Variants in SFXN1 observed in about 807,000 individuals in gnomAD.
SFXN1 encodes the protein sideroflexin 1, also known as sideroflexin-1.
Under a neutral mutation model 39.5 loss-of-function variants are expected in SFXN1, and 32 were observed. That is an observed-to-expected ratio of 0.81 (90% CI 0.61 to 1.09). The LOEUF (loss-of-function observed/expected upper bound fraction) is 1.09, where lower values mean the gene tolerates loss of function less well. SFXN1 is among the 50% of genes least tolerant of loss of function. The pLI, the probability that SFXN1 is intolerant of heterozygous loss-of-function variation, is 0.00. For synonymous variants in SFXN1, 136 were observed against 146.5 expected (o/e 0.93, Z 0.52); for missense variants, 402 against 407.1 (o/e 0.99, Z 0.11).
At chr5:175,514,592 TTCA>T (rs1166756020) in intron 7 of SFXN1, among the ~76,000 whole-genome samples, 8 of 152,234 alleles carry the variant, frequency 5.3e-5, no homozygotes, top group Admixed American at 3.9e-4. Context: ...TGAAGTATAC[TTCA>T]TCAGCTGCTG....
intron 1 of SFXN1, among the ~76,000 whole-genome samples, chr5:175,487,159 G>T (rs1407584880): frequency 1.3e-5 from 2 of 152,172 alleles, no homozygotes; most frequent in African/African-American, 4.8e-5. Context: ...TGTCCGTCCA[G>T]CATGAAGTCC....
intron 8 of SFXN1, among the ~76,000 whole-genome samples, chr5:175,519,864 C>CTTTTT (rs369561037): frequency 5.4e-4 from 42 of 77,244 alleles, no homozygotes; most frequent in Non-Finnish European, 6.5e-4. Context: ...GGGTTTTTTG[C>CTTTTT]TTTTTTTTTT....
At chr5:175,480,197 C>T (rs1386252130) in intron 1 of SFXN1, among the ~76,000 whole-genome samples, 1 of 152,242 alleles carries the variant, frequency 6.6e-6, no homozygotes, top group Middle Eastern at 3.4e-3. Context: ...GTCAGGAGAT[C>T]AAGACCATCC....
At chr5:175,490,722 G>A (rs1438771022) in intron 1 of SFXN1, among the ~76,000 whole-genome samples, 1 of 152,068 alleles carries the variant, frequency 6.6e-6, no homozygotes, top group Non-Finnish European at 1.5e-5. Context: ...CTAGCTGTAA[G>A]GACAAAGATG....
chr5:175,482,127 T>C (rs928895243), intron 1 of SFXN1, among the ~76,000 whole-genome samples: 2 of 152,190 alleles, frequency 1.3e-5, no homozygotes, highest in Non-Finnish European at 1.5e-5. Flanking sequence ...AATCTAACAA[T>C]GCATGGAAAG....
intron 3 of SFXN1, 31 bp downstream of exon 3, chr5:175,509,233 T>G (rs751405167): frequency 6.4e-7 from 1 of 1,559,612 alleles, no homozygotes; most frequent in East Asian, 2.3e-5. Context: ...AACAGTGTGT[T>G]TACCATTACA....
At position 175,527,086 on chromosome 5, in the gene SFXN1, C is replaced by T. The variant is rs961350881; in HGVS notation, c.*352C>T. 5.2e-6 allele frequency: 1 copy of T among 192,518 alleles called. No homozygotes were observed. The highest frequency in any genetic ancestry group is 5.7e-5 in the Admixed American group (1 of 17,646). The allele number at this position is 192,518 out of a possible 1,614,324, so 11.9% of individuals were successfully genotyped here. On this transcript the variant is annotated 3_prime_UTR_variant, in exon 11 of 11. Transcript: ENST00000321442. ...GGTCAGTAAATGTTCTATTGATTAT[C>T]AATCAGTGAAAAAAGAAATCTGTTT...
At chr5:175,507,351 A>G (rs1760345850) in intron 2 of SFXN1, among the ~76,000 whole-genome samples, 1 of 152,148 alleles carries the variant, frequency 6.6e-6, no homozygotes, top group South Asian at 2.1e-4. Context: ...ATTTTGGGGG[A>G]GACACTGTTC....
chr5:175,511,837 G>A (rs1316961720), intron 5 of SFXN1, among the ~76,000 whole-genome samples: 1 of 133,678 alleles, frequency 7.5e-6, no homozygotes. Context: ...AGAGAGGCAA[G>A]AGCATCTCTC....
At chr5:175,519,932 T>C (rs116375804) in intron 8 of SFXN1, among the ~76,000 whole-genome samples, 3,571 of 134,420 alleles carry the variant, frequency 0.027, 128 homozygotes, top group African/African-American at 0.091. Context: ...TGCAATGACA[T>C]AACCTTGGCT....
intron 2 of SFXN1, among the ~76,000 whole-genome samples, chr5:175,497,777 A>T (rs1487875656): frequency 1.3e-5 from 2 of 152,020 alleles, no homozygotes; most frequent in Non-Finnish European, 2.9e-5. Context: ...AAAAACACAA[A>T]AAGTTAGCTG....
chr5:175,491,856 A>G (rs1422788947), intron 1 of SFXN1: 4 of 380,832 alleles, frequency 1.1e-5, no homozygotes, highest in African/African-American at 4.2e-5. Flanking sequence ...TTAAAATACT[A>G]TGTACTTATA....
chr5:175,504,003 C>CAAAAAA lies in SFXN1; in HGVS notation c.165-5017_165-5012dup, dbSNP rs56776430. Among the ~76,000 whole-genome samples, 57 of 51,908 alleles carry CAAAAAA rather than the reference C, an allele frequency of 1.1e-3. 1 individual carries two copies. Among genetic ancestry groups the CAAAAAA allele is most frequent in the East Asian group, 8.2e-3 (11 of 1,336 alleles). 34.1% of individuals were successfully genotyped at this position (51,908 alleles called of 152,430 possible). ...GGGAAACAAGAGTGACACTCCATCT[C>CAAAAAA]AAAAAAAAAAAAAAAAAGGGATCCT... On this transcript the variant is annotated intron_variant, in intron 2 of 10. Coordinates refer to ENST00000321442, the MANE Select transcript of SFXN1 (RefSeq NM_022754.7).
intron 3 of SFXN1, 44 bp downstream of exon 3, chr5:175,509,246 A>T: frequency 3.9e-6 from 6 of 1,522,600 alleles, no homozygotes; most frequent in Non-Finnish European, 4.4e-6. Flanking sequence ...CCATTACAGA[A>T]GCTCAAAGTA....
chr5:175,508,109 T>G (rs908975649), intron 2 of SFXN1, among the ~76,000 whole-genome samples: 29 of 152,136 alleles, frequency 1.9e-4, no homozygotes, highest in Admixed American at 9.2e-4. Context: ...CAAAATACAT[T>G]ATAAAATATG....
chr5:175,504,253 T>G (rs956988529), intron 2 of SFXN1, among the ~76,000 whole-genome samples: 1 of 151,050 alleles, frequency 6.6e-6, no homozygotes, highest in African/African-American at 2.5e-5. Context: ...GAGCCCTTTG[T>G]TTTTTTTCCA....
intron 2 of SFXN1, among the ~76,000 whole-genome samples, chr5:175,507,617 A>G (rs1235908827): frequency 6.6e-6 from 1 of 152,226 alleles, no homozygotes; most frequent in Non-Finnish European, 1.5e-5. Context: ...TTGACAATGA[A>G]TACGTGCTTC....
At position 175,518,632 on chromosome 5, in the gene SFXN1, A is replaced by G. The variant is rs149040156; in HGVS notation, c.774+1969A>G. Among the ~76,000 whole-genome samples the G allele has an allele frequency of 7.4e-4, 112 of 152,322 alleles. 1 individual carries two copies. The highest frequency in any genetic ancestry group is 2.6e-3 in the African/African-American group (107 of 41,580). On this transcript the variant is annotated intron_variant, in intron 8 of 10. Coordinates refer to ENST00000321442, the MANE Select transcript of SFXN1 (RefSeq NM_022754.7). ...CTTTGAAGAGGACTGGCTGAGGGCC[A>G]CATGCTCTACAGAAGCTCAGCAAGT...
chr5:175,506,097 C>T (rs1047412826), intron 2 of SFXN1, among the ~76,000 whole-genome samples: 3 of 152,144 alleles, frequency 2.0e-5, no homozygotes, highest in South Asian at 2.1e-4. Context: ...GGATTACAGG[C>T]GTAAGCCATT....
Sources: allele counts gnomAD v4.1 joint callset (sites outside exome capture counted in the v4.1 genomes callset), GRCh38; gene constraint gnomAD v4.1.1; transcripts MANE v1.5; gene names NCBI Gene and HGNC (gene_info 2026-07-23, HGNC 2026-07-21).